DNAH12: variants seen among roughly 807,000 people sequenced by gnomAD.
DNAH12 encodes the protein dynein axonemal heavy chain 12.
In DNAH12, 285 loss-of-function variants were observed where a neutral mutation model predicts 371.5. The observed-to-expected ratio is 0.77, with a 90% CI of 0.70 to 0.85. The LOEUF (loss-of-function observed/expected upper bound fraction) is 0.85, where lower values mean the gene tolerates loss of function less well. Ranked by LOEUF, DNAH12 falls within the 40% of genes least tolerant of loss-of-function variation. DNAH12 has a pLI of 0.00. For missense variants in DNAH12, 3,611 were observed against 3,689.4 expected, an observed-to-expected ratio of 0.98 and a Z score of 0.55; for synonymous variants, 1,200 against 1,213.0, an observed-to-expected ratio of 0.99 and a Z score of 0.22.
the DNAH12 span, among the ~76,000 whole-genome samples, chr3:57,550,838 A>G: frequency 1.3e-5 from 2 of 151,328 alleles, no homozygotes; most frequent in Non-Finnish European, 2.9e-5. Flanking sequence ...ATTAGGCAAA[A>G]GTTTTTCATT....
chr3:57,362,584 T>C (rs2062960244), intron 58 of DNAH12, among the ~76,000 whole-genome samples: 1 of 152,220 alleles, frequency 6.6e-6, no homozygotes, highest in South Asian at 2.1e-4. Flanking sequence ...TGGTATCTCA[T>C]TGTGGTTTTG....
intron 4 of DNAH12, among the ~76,000 whole-genome samples, chr3:57,513,187 A>C (rs1409759075): frequency 6.6e-6 from 1 of 152,132 alleles, no homozygotes; most frequent in African/African-American, 2.4e-5. Context: ...CTACACAGGC[A>C]TAAAAAGGAA....
At chr3:57,346,987 CAGAA>C (rs2062558183) in intron 60 of DNAH12, among the ~76,000 whole-genome samples, 1 of 152,092 alleles carries the variant, frequency 6.6e-6, no homozygotes, top group African/African-American at 2.4e-5. Context: ...CCTTCTAAAA[CAGAA>C]AGCACCAAGC....
chr3:57,295,600 G>T lies in DNAH12; in HGVS notation c.11625-8C>A. ...TGTTCAGCAAGCAATCCACTGTAAC[G>T]AGAAATTGACAGAAATTATTAGAAA... On this transcript the variant is annotated splice_region_variant and splice_polypyrimidine_tract_variant and intron_variant, in intron 72 of 73. Transcript: ENST00000495027. 6.5e-7 allele frequency: 1 copy of T among 1,536,538 alleles called. No homozygotes were observed. Among genetic ancestry groups the T allele is most frequent in the South Asian group, 1.2e-5 (1 of 81,492 alleles).
intron 19 of DNAH12, among the ~76,000 whole-genome samples, chr3:57,460,677 G>A (rs920533610): frequency 3.9e-5 from 6 of 152,050 alleles, no homozygotes; most frequent in Non-Finnish European, 7.4e-5. Context: ...TGTTTTCTCC[G>A]AATAATGACA....
intron 34 of DNAH12, among the ~76,000 whole-genome samples, chr3:57,425,831 C>T (rs1413656654): frequency 2.0e-5 from 3 of 151,930 alleles, no homozygotes; most frequent in African/African-American, 7.3e-5. Flanking sequence ...CATACTATAC[C>T]TATGTGGCAA....
intron 58 of DNAH12, among the ~76,000 whole-genome samples, chr3:57,358,931 T>C (rs1252917973): frequency 6.6e-6 from 1 of 152,066 alleles, no homozygotes; most frequent in Non-Finnish European, 1.5e-5. Flanking sequence ...ATTACAGGCG[T>C]CCACCACCAC....
At chr3:57,302,038 G>T (rs2061358715) in intron 69 of DNAH12, 99 bp from the exon 70 acceptor site, 4 of 1,304,130 alleles carry the variant, frequency 3.1e-6, no homozygotes, top group Non-Finnish European at 4.2e-6. Flanking sequence ...AGCTTTATGG[G>T]ATTGCTTCCC....
intron 55 of DNAH12, among the ~76,000 whole-genome samples, chr3:57,372,577 G>C (rs1376413935): frequency 2.6e-5 from 4 of 151,976 alleles, no homozygotes; most frequent in African/African-American, 9.6e-5. Flanking sequence ...ACAGAAAAGA[G>C]AATTATACTG....
At chr3:57,499,647 A>AAAAAATATATATAT (rs1451248906) in intron 11 of DNAH12, among the ~76,000 whole-genome samples, 5 of 17,942 alleles carry the variant, frequency 2.8e-4, no homozygotes, top group Non-Finnish European at 6.0e-4. Context: ...AAAAAAAAAA[A>AAAAAATATATATAT]ATATATATAT....
intron 25 of DNAH12, 125 bp from the exon 26 acceptor site, chr3:57,446,814 TTTAA>T (rs1397908787): frequency 6.7e-6 from 7 of 1,042,890 alleles, no homozygotes; most frequent in Non-Finnish European, 8.8e-6. Context: ...AATTACATTG[TTTAA>T]TTTTTAGCCC....
chr3:57,526,144 C>A (rs530328470), intron 2 of DNAH12, among the ~76,000 whole-genome samples: 79 of 152,226 alleles, frequency 5.2e-4, no homozygotes, highest in African/African-American at 1.8e-3. Flanking sequence ...CTCTGGTAAC[C>A]AGCCTTCTAC....
rs2064497526 is a variant in DNAH12 at position 57,419,514 on chromosome 3, T to C, written c.5567A>G (p.Lys1856Arg). The C allele has an allele frequency of 7.0e-7, 1 of 1,428,358 alleles. No individual in the cohort carries two copies. The highest frequency in any genetic ancestry group is 2.8e-5 in the East Asian group (1 of 35,570). 88.5% of individuals were successfully genotyped at this position (1,428,358 alleles called of 1,614,324 possible). A position where few individuals can be genotyped will look rare whatever the true frequency, so the allele number is the denominator to read the frequency against. Residue 1856 changes from lysine (K) to arginine (R), a missense_variant, in exon 37 of 74, where the codon AAA becomes AGA. Physicochemically the swap from Lys to Arg is conservative, Grantham distance 26. Around this residue, in one of 3 missense-constraint regions of DNAH12, gnomAD observed 2,266 missense variants for 2,236.9 expected, o/e 1.01. Coordinates refer to ENST00000495027, the MANE Select transcript of DNAH12 (RefSeq NM_001366028.2). ...CCAATGGACCCAGCGACCTTTGTTTTTCAACTACAAGAAAATATAAGTTTT... is the reference window on the plus strand; with the variant it reads ...CCAATGGACCCAGCGACCTTTGTTTCTCAACTACAAGAAAATATAAGTTTT... ...GLVYDYMYEL[K>R]NKGRWVHWNE... is the part of the protein sequence containing the mutation.
chr3:57,488,323 G>T (rs949331803), intron 12 of DNAH12, among the ~76,000 whole-genome samples: 3 of 152,062 alleles, frequency 2.0e-5, no homozygotes, highest in African/African-American at 7.2e-5. Context: ...CTCCTGAGTA[G>T]CTGGGGTTAC....
rs1331933662 is a variant in DNAH12 at position 57,446,589 on chromosome 3, T to C, written c.3887A>G (p.Gln1296Arg). Residue 1296 changes from glutamine to arginine, a missense_variant, in exon 26 of 74, where the codon CAG becomes CGG. By Grantham distance (43) the Gln-to-Arg change is conservative (BLOSUM62 1). Transcript: ENST00000495027. The part of the protein sequence containing the change: ...TKDLAKALAV[Q>R]CVVFNCSDGL... Reference sequence around the variant, plus strand: ...ATCAGAACAGTTGAACACCACACACTGTACAGCAAGAGCTTTAGCCAAGTC... The same window carrying C: ...ATCAGAACAGTTGAACACCACACACCGTACAGCAAGAGCTTTAGCCAAGTC... 2 of 1,550,794 alleles carry C rather than the reference T, an allele frequency of 1.3e-6. No individual in the cohort carries two copies. Among genetic ancestry groups the C allele is most frequent in the Admixed American group, 2.0e-5 (1 of 50,894 alleles).
chr3:57,364,996 G>A (rs1007439762), intron 57 of DNAH12, among the ~76,000 whole-genome samples: 3 of 152,138 alleles, frequency 2.0e-5, no homozygotes, highest in African/African-American at 7.2e-5. Flanking sequence ...AAATAGAAAC[G>A]CTTTTACACT....
the DNAH12 span, among the ~76,000 whole-genome samples, chr3:57,550,551 C>T: frequency 6.6e-6 from 1 of 152,018 alleles, no homozygotes. Context: ...CTCACTCTGC[C>T]ACCCAGGCTG....
In DNAH12 at chr3:57,310,864, G is replaced by A. The variant is rs910148648; in HGVS notation, c.10749C>T (p.Asp3583=). Residue 3583 remains aspartate (D), a synonymous_variant, in exon 67 of 74, where the codon GAC becomes GAT. Transcript: ENST00000495027. ...TTAATAGAAGACGTCTGTCCCAATCGTCTGTCACTCTTCCTCCATAATTAC... is the reference window on the plus strand; with the variant it reads ...TTAATAGAAGACGTCTGTCCCAATCATCTGTCACTCTTCCTCCATAATTAC... ...GECNYGGRVT[D]DWDRRLLLTM... is the part of the protein sequence containing the mutation. 2.3e-5 allele frequency: 35 copies of A among 1,551,482 alleles called. No individual in the cohort carries two copies. The African/African-American group carries it at 3.3e-4, about 15-fold the overall frequency.
intron 29 of DNAH12, among the ~76,000 whole-genome samples, chr3:57,442,203 G>C (rs910430502): frequency 2.0e-5 from 3 of 151,696 alleles, no homozygotes; most frequent in Admixed American, 6.6e-5. Flanking sequence ...AAGTTTTTTA[G>C]GTTAAAAATA....
Sources: allele counts gnomAD v4.1 joint callset (sites outside exome capture counted in the v4.1 genomes callset), GRCh38; gene constraint gnomAD v4.1.1; regional missense constraint gnomAD v4.1.1; transcripts MANE v1.5; gene names NCBI Gene and HGNC (gene_info 2026-07-23, HGNC 2026-07-21).